Variants in LDLRAD4 observed in about 807,000 individuals in gnomAD.
LDLRAD4 encodes low density lipoprotein receptor class A domain containing 4, also known as low-density lipoprotein receptor class A domain-containing protein 4.
In LDLRAD4, 5 loss-of-function variants were observed where a neutral mutation model predicts 17.0. The ratio of observed to expected loss-of-function variants is 0.29; its 90% CI spans 0.15 to 0.62. The LOEUF (loss-of-function observed/expected upper bound fraction) is 0.62, where lower values mean the gene tolerates loss of function less well. Among genes scored for constraint, LDLRAD4 ranks in the 20% least tolerant of loss-of-function variants. The pLI is 0.84. For missense variants in LDLRAD4, 340 were observed against 424.7 expected (o/e 0.80, Z 1.75); for synonymous variants, 168 against 171.8 (o/e 0.98, Z 0.17).
At chr18:13,329,712 A>G (rs1187984344) in intron 1 of LDLRAD4, among the ~76,000 whole-genome samples, 1 of 152,182 alleles carries the variant, frequency 6.6e-6, no homozygotes, top group East Asian at 1.9e-4. Flanking sequence ...TTACGGATCC[A>G]ATTTTCTCCC....
intron 3 of LDLRAD4, among the ~76,000 whole-genome samples, chr18:13,610,173 C>T (rs545947427): frequency 3.4e-5 from 5 of 147,938 alleles, no homozygotes; most frequent in Admixed American, 1.4e-4. Context: ...AATCCCAGAG[C>T]GGGCTATTTA....
At chr18:13,261,379 C>A (rs531759732) in intron 1 of LDLRAD4, among the ~76,000 whole-genome samples, 17 of 152,346 alleles carry the variant, frequency 1.1e-4, no homozygotes, top group African/African-American at 4.1e-4. Context: ...TCAGAGCACT[C>A]TGAGCCTCTT....
At chr18:13,366,791 C>T (rs1055592186) in intron 1 of LDLRAD4, among the ~76,000 whole-genome samples, 13 of 152,138 alleles carry the variant, frequency 8.5e-5, no homozygotes, top group African/African-American at 2.4e-4. Context: ...TCTCCAGCAC[C>T]GCAGTGATGG....
intron 1 of LDLRAD4, chr18:13,279,350 C>T (rs749908100): frequency 6.6e-6 from 1 of 152,258 alleles, no homozygotes; most frequent in Non-Finnish European, 1.5e-5. Flanking sequence ...TCGTTTGGCA[C>T]ACCCACCGCC....
chr18:13,369,346 C>T (rs368760866), intron 1 of LDLRAD4, among the ~76,000 whole-genome samples: 5 of 152,276 alleles, frequency 3.3e-5, no homozygotes, highest in Admixed American at 6.5e-5. Context: ...GAAAAATATG[C>T]GCAGGTGTCA....
chr18:13,328,759 G>A (rs1338876448), intron 1 of LDLRAD4, among the ~76,000 whole-genome samples: 1 of 152,122 alleles, frequency 6.6e-6, no homozygotes, highest in African/African-American at 2.4e-5. Context: ...CATATAAAAA[G>A]ATGTTTATTG....
chr18:13,272,148 C>T (rs1449518894), intron 1 of LDLRAD4, among the ~76,000 whole-genome samples: 1 of 152,214 alleles, frequency 6.6e-6, no homozygotes, highest in Non-Finnish European at 1.5e-5. Flanking sequence ...CCCGCCTCAG[C>T]CTCCCAAAGT....
chr18:13,497,375 C>T (rs2093492236), intron 3 of LDLRAD4, among the ~76,000 whole-genome samples: 1 of 151,958 alleles, frequency 6.6e-6, no homozygotes, highest in African/African-American at 2.4e-5. Context: ...GACAAGGTCT[C>T]ACTATGTTGC....
intron 3 of LDLRAD4, among the ~76,000 whole-genome samples, chr18:13,469,531 G>T (rs2092712491): frequency 6.6e-6 from 1 of 152,232 alleles, no homozygotes; most frequent in African/African-American, 2.4e-5. Context: ...ATATACACGT[G>T]ATGAAATATT....
At chr18:13,483,896 C>G (rs2093157026) in intron 3 of LDLRAD4, 2 of 152,858 alleles carry the variant, frequency 1.3e-5, no homozygotes, top group South Asian at 2.1e-4. Flanking sequence ...AGTAGCAGGC[C>G]CCACATTCAG....
chr18:13,387,618 C>A, exon 2 of LDLRAD4: 1 of 1,044,278 alleles, frequency 9.6e-7, no homozygotes, highest in African/African-American at 1.6e-5. Flanking sequence ...CCCAGCAGAG[C>A]GATGGACTTG....
At chr18:13,500,055 C>T (rs1263564405) in intron 3 of LDLRAD4, among the ~76,000 whole-genome samples, 1 of 152,108 alleles carries the variant, frequency 6.6e-6, no homozygotes, top group Non-Finnish European at 1.5e-5. Context: ...GACATGTTGT[C>T]CAAGACTTGA....
intron 4 of LDLRAD4, among the ~76,000 whole-genome samples, chr18:13,630,067 C>T (rs868079497): frequency 2.6e-5 from 4 of 152,182 alleles, no homozygotes; most frequent in Admixed American, 6.5e-5. Context: ...TCTTGAAGTC[C>T]GATTGCTCAC....
intron 2 of LDLRAD4, among the ~76,000 whole-genome samples, chr18:13,431,718 G>A (rs1217826057): frequency 2.6e-5 from 4 of 152,118 alleles, no homozygotes; most frequent in Non-Finnish European, 4.4e-5. Flanking sequence ...TCTTTGACGG[G>A]AGGCTCTTCT....
intron 3 of LDLRAD4, among the ~76,000 whole-genome samples, chr18:13,582,328 G>A (rs1354187584): frequency 6.6e-6 from 1 of 152,252 alleles, no homozygotes; most frequent in Non-Finnish European, 1.5e-5. Context: ...TGTGCACTGT[G>A]CTGGACCATA....
At chr18:13,634,162 C>G (rs552258949) in intron 4 of LDLRAD4, among the ~76,000 whole-genome samples, 24 of 152,302 alleles carry the variant, frequency 1.6e-4, no homozygotes, top group African/African-American at 5.3e-4. Flanking sequence ...GACAAGGATG[C>G]CTGCTTTCAC....
At chr18:13,487,949 CAG>C (rs1279940585) in intron 3 of LDLRAD4, 4 of 152,578 alleles carry the variant, frequency 2.6e-5, no homozygotes, top group African/African-American at 9.7e-5. Context: ...GTCAGGGTCT[CAG>C]GGCCCTGGGC....
intron 3 of LDLRAD4, among the ~76,000 whole-genome samples, chr18:13,556,973 G>A (rs913553795): frequency 3.3e-5 from 5 of 152,138 alleles, no homozygotes; most frequent in South Asian, 4.2e-4. Flanking sequence ...AAGCTTGGAC[G>A]TTACAGCACT....
chr18:13,221,615 A>G (rs576452645), intron 1 of LDLRAD4, among the ~76,000 whole-genome samples: 2 of 152,340 alleles, frequency 1.3e-5, no homozygotes, highest in Non-Finnish European at 2.9e-5. Context: ...TAGTACCTGT[A>G]CTATTAATTA....
Sources: gnomAD v4.1 joint callset for allele counts (sites outside exome capture counted in the v4.1 genomes callset) on GRCh38, gnomAD v4.1.1 for gene constraint, MANE v1.5 for transcripts, NCBI Gene and HGNC (gene_info 2026-07-23, HGNC 2026-07-21) for gene names.